Variants in NCKAP5 observed in about 807,000 individuals in gnomAD.
NCKAP5 encodes NCK associated protein 5, also known as nck-associated protein 5.
In NCKAP5, 92 loss-of-function variants were observed where a neutral mutation model predicts 167.0. The observed-to-expected ratio is 0.55, with a 90% CI of 0.47 to 0.66. The LOEUF is 0.66. NCKAP5 is among the 30% of genes least tolerant of loss of function. The pLI is 0.00. For missense variants in NCKAP5, 2,378 were observed against 2,315.0 expected, an observed-to-expected ratio of 1.03 and a Z score of -0.56; for synonymous variants, 891 against 877.4, an observed-to-expected ratio of 1.02 and a Z score of -0.27.
intron 3 of NCKAP5, among the ~76,000 whole-genome samples, chr2:133,303,827 G>C (rs1479596821): frequency 6.6e-6 from 1 of 152,028 alleles, no homozygotes; most frequent in Non-Finnish European, 1.5e-5. Context: ...AAATCCATAG[G>C]TTATTACAAT....
chr2:132,971,359 G>T (rs953354325), intron 7 of NCKAP5, among the ~76,000 whole-genome samples: 1 of 152,190 alleles, frequency 6.6e-6, no homozygotes, highest in African/African-American at 2.4e-5. Flanking sequence ...CCAAAAGTAG[G>T]CCAGGGTCTC....
At chr2:133,661,659 C>T in the NCKAP5 span, among the ~76,000 whole-genome samples, 1 of 152,204 alleles carries the variant, frequency 6.6e-6, no homozygotes, top group Admixed American at 6.5e-5. Flanking sequence ...GTTTTTCTCA[C>T]TCCTAGCAGG....
rs528889673 is a variant in NCKAP5 at position 133,041,006 on chromosome 2, G to A, written c.342-46767C>T. ...GAAAGAGGTTCGGAATGGCCTGAGC[G>A]CAAATGACAAATGTTAGCTTATGCA... On this transcript the variant is annotated intron_variant, in intron 6 of 19. Transcript: ENST00000409261. Among the ~76,000 whole-genome samples the A allele has an allele frequency of 1.1e-4, 17 of 152,246 alleles. No individual in the cohort carries two copies. In the South Asian group the frequency reaches 2.9e-3, roughly 26 times the overall value.
At chr2:133,040,676 T>C (rs2079187255) in intron 6 of NCKAP5, among the ~76,000 whole-genome samples, 1 of 152,168 alleles carries the variant, frequency 6.6e-6, no homozygotes, top group South Asian at 2.1e-4. Context: ...TAATAATGTA[T>C]CCAACATATT....
chr2:133,404,200 T>C (rs1306741817), intron 3 of NCKAP5, among the ~76,000 whole-genome samples: 1 of 152,186 alleles, frequency 6.6e-6, no homozygotes, highest in African/African-American at 2.4e-5. Context: ...GGGTAGAAAA[T>C]GAACATTTGG....
At chr2:132,863,014 G>T (rs1191557244) in intron 10 of NCKAP5, among the ~76,000 whole-genome samples, 1 of 151,918 alleles carries the variant, frequency 6.6e-6, no homozygotes, top group South Asian at 2.1e-4. Context: ...TAGAGACAGG[G>T]TTTCACCATA....
intron 8 of NCKAP5, among the ~76,000 whole-genome samples, chr2:132,922,086 G>A (rs1695478154): frequency 6.6e-6 from 1 of 152,298 alleles, no homozygotes; most frequent in African/African-American, 2.4e-5. Context: ...TGATTCTGAT[G>A]ACACCACCTG....
chr2:132,983,330 A>C (rs1221382375), intron 7 of NCKAP5, among the ~76,000 whole-genome samples: 1 of 152,110 alleles, frequency 6.6e-6, no homozygotes, highest in Non-Finnish European at 1.5e-5. Context: ...TCTGGCAAGG[A>C]CTTCCAGAAC....
intron 3 of NCKAP5, among the ~76,000 whole-genome samples, chr2:133,490,923 G>T (rs1681382082): frequency 6.6e-6 from 1 of 152,226 alleles, no homozygotes; most frequent in East Asian, 1.9e-4. Flanking sequence ...GTTAAGAGGA[G>T]TAAGTTTCCC....
chr2:132,894,134 GCGAT>G (rs1431333908), intron 8 of NCKAP5, among the ~76,000 whole-genome samples: 2 of 152,332 alleles, frequency 1.3e-5, no homozygotes, highest in East Asian at 3.9e-4. Context: ...GCAACAAAGA[GCGAT>G]GGAAGGGGAA....
chr2:132,931,888 G>A (rs76784621), intron 8 of NCKAP5, among the ~76,000 whole-genome samples: 2 of 152,194 alleles, frequency 1.3e-5, no homozygotes, highest in Non-Finnish European at 2.9e-5. Context: ...GAAAAAATAC[G>A]ATAGAAAGAC....
intron 4 of NCKAP5, among the ~76,000 whole-genome samples, chr2:133,255,061 T>A (rs911334252): frequency 3.9e-5 from 6 of 152,026 alleles, no homozygotes; most frequent in Non-Finnish European, 7.4e-5. Context: ...AATAATAAAA[T>A]AACTTCTTAG....
intron 3 of NCKAP5, among the ~76,000 whole-genome samples, chr2:133,498,433 CGGAAGGAAGGAA>C (rs749222948): frequency 0.045 from 4,492 of 100,312 alleles, 249 homozygotes; most frequent in East Asian, 0.25. Flanking sequence ...ATGAGAAAAA[CGGAAGGAAGGAA>C]GGAAGGAAGG....
intron 6 of NCKAP5, among the ~76,000 whole-genome samples, chr2:133,080,802 T>C (rs1037681743): frequency 3.9e-5 from 6 of 152,092 alleles, no homozygotes; most frequent in Admixed American, 2.0e-4. Flanking sequence ...ACCGTGGCAT[T>C]AGGAGTCGAG....
chr2:133,661,234 A>G, the NCKAP5 span, among the ~76,000 whole-genome samples: 1 of 152,178 alleles, frequency 6.6e-6, no homozygotes, highest in Non-Finnish European at 1.5e-5. Context: ...ACAAATGACA[A>G]GGATCACTGT....
the NCKAP5 span, among the ~76,000 whole-genome samples, chr2:133,622,304 G>T: frequency 6.6e-6 from 1 of 152,066 alleles, no homozygotes; most frequent in Non-Finnish European, 1.5e-5. Flanking sequence ...ACAAGAGAAA[G>T]AAATAAAGGG....
intron 11 of NCKAP5, among the ~76,000 whole-genome samples, chr2:132,835,975 T>A (rs1176028518): frequency 6.6e-6 from 1 of 152,202 alleles, no homozygotes; most frequent in Non-Finnish European, 1.5e-5. Flanking sequence ...AAAATATACT[T>A]GGATTATTTC....
At chr2:133,605,658 A>G in the NCKAP5 span, among the ~76,000 whole-genome samples, 2 of 152,242 alleles carry the variant, frequency 1.3e-5, no homozygotes, top group Admixed American at 1.3e-4. Flanking sequence ...TGCATAGGGT[A>G]TATCAACATA....
intron 3 of NCKAP5, among the ~76,000 whole-genome samples, chr2:133,312,888 T>C (rs1157323806): frequency 6.6e-6 from 1 of 152,184 alleles, no homozygotes; most frequent in African/African-American, 2.4e-5. Context: ...ATTGATGTTG[T>C]TTGTAGATGT....
Sources: gnomAD v4.1 joint callset for allele counts (sites outside exome capture counted in the v4.1 genomes callset) on GRCh38, gnomAD v4.1.1 for gene constraint, MANE v1.5 for transcripts, NCBI Gene and HGNC (gene_info 2026-07-23, HGNC 2026-07-21) for gene names.